The following SEPTIN14 variants were observed in gnomAD, a reference collection of about 807,000 sequenced individuals.
SEPTIN14 encodes the protein septin 14, also known as septin-14.
In SEPTIN14, 40 loss-of-function variants were observed where a neutral mutation model predicts 53.6. The ratio of observed to expected loss-of-function variants is 0.75; its 90% CI spans 0.58 to 0.97. SEPTIN14 has a LOEUF of 0.97. Among genes scored for constraint, SEPTIN14 ranks in the 50% least tolerant of loss-of-function variants. SEPTIN14 has a pLI of 0.00. For missense variants in SEPTIN14, 471 were observed against 508.2 expected (o/e 0.93, Z 0.70); for synonymous variants, 138 against 166.8 (o/e 0.83, Z 1.33).
At chr7:55,813,063 C>T (rs1300364262) in intron 7 of SEPTIN14, among the ~76,000 whole-genome samples, 1 of 152,036 alleles carries the variant, frequency 6.6e-6, no homozygotes, top group African/African-American at 2.4e-5. Flanking sequence ...GATTCTCCGG[C>T]CTCAGCCTCC....
At chr7:55,856,377 G>A (rs1451990064) in intron 2 of SEPTIN14, among the ~76,000 whole-genome samples, 1 of 151,892 alleles carries the variant, frequency 6.6e-6, no homozygotes, top group African/African-American at 2.4e-5. Context: ...AGTATTCCAT[G>A]GTGTATATGT....
chr7:55,801,163 G>C (rs55740807), intron 9 of SEPTIN14, among the ~76,000 whole-genome samples: 1 of 151,670 alleles, frequency 6.6e-6, no homozygotes, highest in Non-Finnish European at 1.5e-5. Context: ...CAAACCAAGC[G>C]CAAAGTCAGT....
chr7:55,808,095 T>C (rs754040796), intron 7 of SEPTIN14, among the ~76,000 whole-genome samples: 1 of 152,192 alleles, frequency 6.6e-6, no homozygotes, highest in Non-Finnish European at 1.5e-5. Context: ...AATGGATAGA[T>C]TATCCAGACA....
In SEPTIN14 at chr7:55,793,962, T is replaced by A. The variant is rs1047950799; in HGVS notation, c.*1951A>T. 1 of 152,056 alleles carries A rather than the reference T, an allele frequency of 6.6e-6. No homozygotes were observed. The highest frequency in any genetic ancestry group is 1.5e-5 in the Non-Finnish European group (1 of 67,986). The allele number at this position is 152,056 out of a possible 1,614,324, so 9.4% of individuals were successfully genotyped here. On this transcript the variant is annotated 3_prime_UTR_variant, in exon 10 of 10. Coordinates refer to ENST00000388975, the MANE Select transcript of SEPTIN14 (RefSeq NM_207366.3). ...ATAAATCTGGAAACTCTATTTCACA[T>A]GAAACTGGAGCTGAAAGAGACAAAT... is the stretch of plus-strand genomic sequence containing the variant.
intron 9 of SEPTIN14, 99 bp downstream of exon 9, chr7:55,805,159 A>G: frequency 9.2e-7 from 1 of 1,091,652 alleles, no homozygotes; most frequent in Non-Finnish European, 1.3e-6. Flanking sequence ...AATAGCAAGT[A>G]TCCTCCAAAA....
intron 8 of SEPTIN14, among the ~76,000 whole-genome samples, chr7:55,806,710 G>A (rs1452911161): frequency 2.6e-5 from 4 of 151,742 alleles, no homozygotes; most frequent in Admixed American, 6.6e-5. Context: ...TGATCCGCCC[G>A]CCTCAGCCTC....
Position 55,807,104 on chromosome 7 carries a change from G to C in SEPTIN14, c.972C>G (p.Asn324Lys). The C allele has an allele frequency of 6.3e-7, 1 of 1,592,820 alleles. No individual in the cohort carries two copies. Among genetic ancestry groups the C allele is most frequent in the East Asian group, 2.3e-5 (1 of 43,944 alleles). ...QKMGFTDVGP[N>K]NQPVSFQEIF... ...TTTTTACTCACCTAACTGGCTGGTT[G>C]TTTGGACCCACATCTGTAAAGCCCA... The change falls in exon 8 of 10, where the codon AAC (asparagine) becomes AAG (lysine). Residue 324 changes from asparagine (N) to lysine (K), a missense_variant. Coordinates refer to ENST00000388975, the MANE Select transcript of SEPTIN14 (RefSeq NM_207366.3).
At chr7:55,850,903 T>C (rs1789504623) in intron 2 of SEPTIN14, 2 of 151,558 alleles carry the variant, frequency 1.3e-5, no homozygotes, top group South Asian at 4.2e-4. Flanking sequence ...AAACCCGGTC[T>C]CTACTAAAAA....
chr7:55,816,305 A>G (rs557549089), intron 7 of SEPTIN14, among the ~76,000 whole-genome samples: 2 of 152,306 alleles, frequency 1.3e-5, no homozygotes, highest in East Asian at 3.9e-4. Context: ...GGGTGACTAC[A>G]GTCAACAATA....
chr7:55,809,063 T>C (rs1389103205), intron 7 of SEPTIN14, among the ~76,000 whole-genome samples: 1 of 152,126 alleles, frequency 6.6e-6, no homozygotes, highest in Non-Finnish European at 1.5e-5. Context: ...ATATACACTA[T>C]GGAATACTAC....
intron 2 of SEPTIN14, among the ~76,000 whole-genome samples, chr7:55,858,633 C>T (rs182410929): frequency 1.7e-4 from 26 of 152,126 alleles, no homozygotes; most frequent in African/African-American, 6.3e-4. Flanking sequence ...GGAGAAACTC[C>T]CTCTCCACTA....
At chr7:55,826,187 G>A (rs1788984586) in intron 6 of SEPTIN14, among the ~76,000 whole-genome samples, 1 of 151,702 alleles carries the variant, frequency 6.6e-6, no homozygotes, top group African/African-American at 2.4e-5. Context: ...GTGAGAACAT[G>A]TAGATCTACT....
At chr7:55,812,670 A>T (rs1327507155) in intron 7 of SEPTIN14, among the ~76,000 whole-genome samples, 1 of 152,204 alleles carries the variant, frequency 6.6e-6, no homozygotes, top group African/African-American at 2.4e-5. Context: ...CATGCAAGAA[A>T]ACACCTTCAT....
At chr7:55,799,939 T>A (rs1360959272) in intron 9 of SEPTIN14, among the ~76,000 whole-genome samples, 1 of 152,136 alleles carries the variant, frequency 6.6e-6, no homozygotes, top group Non-Finnish European at 1.5e-5. Context: ...AATACATTCT[T>A]CTCAAGGGCA....
chr7:55,798,675 AC>A, intron 9 of SEPTIN14: 1 of 297,634 alleles, frequency 3.4e-6, no homozygotes, highest in Non-Finnish European at 6.7e-6. Flanking sequence ...GGCAGGGCCC[AC>A]CAGTGTCACC....
At chr7:55,796,239 A>G in intron 9 of SEPTIN14, 147 bp from the exon 10 acceptor site, 1 of 626,264 alleles carries the variant, frequency 1.6e-6, no homozygotes. Context: ...AGGAGTAAAC[A>G]CTGAGATATG....
intron 9 of SEPTIN14, among the ~76,000 whole-genome samples, chr7:55,800,462 A>G (rs1248635037): frequency 6.6e-6 from 1 of 152,108 alleles, no homozygotes; most frequent in African/African-American, 2.4e-5. Context: ...CATCTCTACT[A>G]AAAATACAAA....
chr7:55,848,829 G>A (rs966434987), intron 2 of SEPTIN14, among the ~76,000 whole-genome samples: 7 of 150,140 alleles, frequency 4.7e-5, no homozygotes, highest in South Asian at 2.1e-4. Flanking sequence ...GGATGGTCTC[G>A]ATCTCCTGAC....
chr7:55,798,244 TG>T, intron 9 of SEPTIN14: 1 of 425,784 alleles, frequency 2.3e-6, no homozygotes, highest in Non-Finnish European at 3.7e-6. Context: ...CCTGCTGAGT[TG>T]GCAGCTGTTG....
Sources: gnomAD v4.1 joint callset for allele counts (sites outside exome capture counted in the v4.1 genomes callset) on GRCh38, gnomAD v4.1.1 for gene constraint, MANE v1.5 for transcripts, NCBI Gene and HGNC (gene_info 2026-07-23, HGNC 2026-07-21) for gene names.